Variants in DNAH8 observed in about 807,000 individuals in gnomAD.
DNAH8 encodes axonemal beta dynein heavy chain 8.
DNAH8 carries 382 observed loss-of-function variants against 562.1 expected under a neutral mutation model. That is an observed-to-expected ratio of 0.68 (90% CI 0.63 to 0.74). DNAH8 has a LOEUF of 0.74. Ranked by LOEUF, DNAH8 falls within the 30% of genes least tolerant of loss-of-function variation. The pLI is 0.00. For synonymous variants in DNAH8, 1,881 were observed against 1,919.4 expected (o/e 0.98, Z 0.52); for missense variants, 5,203 against 5,620.4 (o/e 0.93, Z 2.37).
intron 91 of DNAH8, among the ~76,000 whole-genome samples, chr6:39,015,321 G>A (rs950840555): frequency 6.6e-6 from 1 of 151,996 alleles, no homozygotes; most frequent in African/African-American, 2.4e-5. Context: ...ATCTTTAATT[G>A]TTAATATTTG....
intron 11 of DNAH8, chr6:38,764,469 A>T (rs1436173221): frequency 6.6e-6 from 1 of 152,330 alleles, no homozygotes; most frequent in Admixed American, 6.5e-5. Context: ...TCACAAAAAA[A>T]AGATGACAAA....
In DNAH8 at chr6:38,907,980, G is replaced by A. The variant is rs1161669006; in HGVS notation, c.9373G>A (p.Glu3125Lys). 2 of 1,607,472 alleles carry A rather than the reference G, an allele frequency of 1.2e-6. No individual in the cohort carries two copies. Among genetic ancestry groups the A allele is most frequent in the Admixed American group, 3.4e-5 (2 of 58,684 alleles). Residue 3125 changes from glutamate to lysine, a missense_variant, in exon 64 of 93, where the codon GAG becomes AAG. By Grantham distance (56) the Glu-to-Lys change is moderately conservative. Around this residue, in one of 6 missense-constraint regions of DNAH8, gnomAD observed 977 missense variants for 1,061.8 expected, o/e 0.92. Transcript: ENST00000327475. ...GEISNLFARD[E>K]MDEITQGLIS... Reference sequence around the variant, plus strand: ...GATCTCCAACTTGTTTGCACGAGATGAGATGGATGAAATCACCCAAGGTCT... The same window carrying A: ...GATCTCCAACTTGTTTGCACGAGATAAGATGGATGAAATCACCCAAGGTCT...
chr6:38,940,058 T>C (rs1017343319), intron 79 of DNAH8, among the ~76,000 whole-genome samples: 1 of 152,180 alleles, frequency 6.6e-6, no homozygotes, highest in African/African-American at 2.4e-5. Flanking sequence ...AGGAAGGATT[T>C]TCTTGATCTG....
In DNAH8 at chr6:38,937,871, T is replaced by G. The variant is rs1028996397; in HGVS notation, c.11564-103T>G. 7.9e-6 allele frequency: 11 copies of G among 1,385,090 alleles called. No individual in the cohort carries two copies. In the African/African-American group the frequency reaches 1.4e-4, roughly 18 times the overall value. 85.8% of individuals were successfully genotyped at this position (1,385,090 alleles called of 1,614,324 possible). A position where few individuals can be genotyped will look rare whatever the true frequency, so the allele number is the denominator to read the frequency against. ...AGTAGTCTTCCTGACTTTGGAGACA[T>G]CAAGTTGAAAGCTAACAGCGTTTTT... is the stretch of plus-strand genomic sequence containing the variant. On this transcript the variant is annotated intron_variant, in intron 77 of 92. Transcript: ENST00000327475.
intron 24 of DNAH8, among the ~76,000 whole-genome samples, chr6:38,808,736 T>C (rs1182852348): frequency 6.6e-6 from 1 of 152,178 alleles, no homozygotes; most frequent in Non-Finnish European, 1.5e-5. Context: ...GTGGCACATA[T>C]ATACCGTGGA....
At chr6:38,926,871 C>T (rs1452834919) in intron 74 of DNAH8, among the ~76,000 whole-genome samples, 1 of 152,174 alleles carries the variant, frequency 6.6e-6, no homozygotes, top group African/African-American at 2.4e-5. Context: ...CCACATCCAC[C>T]ACTACCTCCA....
At position 38,782,146 on chromosome 6, in the gene DNAH8, T is replaced by C. The variant is rs181605730; in HGVS notation, c.2259+773T>C. 6.5e-3 allele frequency among the ~76,000 whole-genome samples: 992 copies of C among 152,182 alleles called. 12 individuals are homozygous for C. Among genetic ancestry groups the C allele is most frequent in the African/African-American group, 0.022 (915 of 41,558 alleles). On this transcript the variant is annotated intron_variant, in intron 16 of 92. Transcript: ENST00000327475. ...GAATATCAAAAAAAAATTAAAACCC[T>C]GAGTCCCTACTCGGGGGACTCAGTT... is the stretch of plus-strand genomic sequence containing the variant.
At chr6:38,850,717 C>G (rs1775675445) in intron 38 of DNAH8, among the ~76,000 whole-genome samples, 1 of 152,192 alleles carries the variant, frequency 6.6e-6, no homozygotes, top group Non-Finnish European at 1.5e-5. Flanking sequence ...TGTTGGCTCC[C>G]TCTGAAGGCT....
chr6:38,834,977 G>T (rs534192365), intron 32 of DNAH8, among the ~76,000 whole-genome samples: 5 of 152,062 alleles, frequency 3.3e-5, no homozygotes, highest in African/African-American at 1.2e-4. Flanking sequence ...ATTGGCAAAT[G>T]TTTTCCCTCT....
At chr6:38,960,827 T>C (rs1035507679) in intron 82 of DNAH8, among the ~76,000 whole-genome samples, 15 of 151,890 alleles carry the variant, frequency 9.9e-5, no homozygotes, top group Non-Finnish European at 2.1e-4. Flanking sequence ...ATTTTAAATA[T>C]AAAATTTAAA....
intron 16 of DNAH8, 77 bp downstream of exon 16, chr6:38,781,450 T>G (rs1422477441): frequency 6.6e-7 from 1 of 1,519,652 alleles, no homozygotes; most frequent in Non-Finnish European, 8.9e-7. Context: ...CTATAATATT[T>G]GTGTGCATTA....
At chr6:38,715,939 TATATATATATATATATATATA>T (rs1227976116) in intron 1 of DNAH8, among the ~76,000 whole-genome samples, 1 of 25,558 alleles carries the variant, frequency 3.9e-5, no homozygotes, top group Non-Finnish European at 7.0e-5. Context: ...TATATATATA[TATATATATATATATATATATA>T]TTTTTTTTTT....
At chr6:38,926,728 G>GT (rs1057283865) in intron 74 of DNAH8, among the ~76,000 whole-genome samples, 30 of 152,174 alleles carry the variant, frequency 2.0e-4, no homozygotes, top group African/African-American at 6.5e-4. Context: ...GATATTCAGT[G>GT]TTTCCTAGAC....
chr6:38,759,741 G>A (rs1389169951), intron 10 of DNAH8, among the ~76,000 whole-genome samples: 1 of 152,046 alleles, frequency 6.6e-6, no homozygotes, highest in East Asian at 1.9e-4. Context: ...CCCCCCAGGT[G>A]TTGTCTGATC....
In DNAH8 at chr6:38,898,273, T is replaced by C. The variant is rs1450096135; in HGVS notation, c.8956T>C (p.Phe2986Leu). Reference protein sequence around the residue: ...KIYELMPSFDFLAEKLQFYQR... With the variant: ...KIYELMPSFDLLAEKLQFYQR... The stretch of plus-strand genomic sequence containing the variant: ...CCACCCATAGATGCCATCCTTTGAC[T>C]TTCTGGCTGAAAAACTCCAGTTTTA... Residue 2986 changes from phenylalanine to leucine, a missense_variant, in exon 61 of 93, where the codon TTT (phenylalanine) becomes CTT (leucine). Phe to Leu is a conservative substitution (Grantham distance 22). This residue lies in a region of DNAH8 where 977 missense variants were observed against 1,061.8 expected (regional missense o/e 0.92). Coordinates refer to ENST00000327475, the MANE Select transcript of DNAH8 (RefSeq NM_001206927.2). The C allele has an allele frequency of 6.3e-7, 1 of 1,593,110 alleles. No individual in the cohort carries two copies. The highest frequency in any genetic ancestry group is 8.5e-7 in the Non-Finnish European group (1 of 1,173,578).
chr6:38,929,676 G>GAA lies in DNAH8; in HGVS notation c.11274+10_11274+11insAA. Reference sequence around the variant, plus strand: ...TGGCACCACTTTCAAGGTGAGCTTTGTAAAAAAAAAAAAAAAGAAAGAAAG... The same window carrying GAA: ...TGGCACCACTTTCAAGGTGAGCTTTGAATAAAAAAAAAAAAAAAGAAAGAAAG... On this transcript the variant is annotated intron_variant, in intron 75 of 92. Transcript: ENST00000327475. 2 of 990,478 alleles carry GAA rather than the reference G, an allele frequency of 2.0e-6. No homozygotes were observed. Among genetic ancestry groups the GAA allele is most frequent in the Non-Finnish European group, 2.6e-6 (2 of 761,408 alleles). The allele number at this position is 990,478 out of a possible 1,614,324, so 61.4% of individuals were successfully genotyped here.
At chr6:38,815,411 T>G (rs1772158852) in intron 25 of DNAH8, 57 bp from the exon 26 acceptor site, 1 of 1,409,360 alleles carries the variant, frequency 7.1e-7, no homozygotes, top group African/African-American at 1.4e-5. Flanking sequence ...GTGGTGAAAA[T>G]TGAGGGATGG....
intron 24 of DNAH8, among the ~76,000 whole-genome samples, chr6:38,812,852 T>C (rs897818747): frequency 6.6e-6 from 1 of 152,188 alleles, no homozygotes; most frequent in African/African-American, 2.4e-5. Flanking sequence ...GGAGTGACTC[T>C]CTGGAAATTA....
At chr6:38,946,792 A>G (rs988874028) in intron 80 of DNAH8, among the ~76,000 whole-genome samples, 1 of 151,394 alleles carries the variant, frequency 6.6e-6, no homozygotes, top group Admixed American at 6.6e-5. Flanking sequence ...CCTGGGTGAC[A>G]GTGTGAGACT....
Sources: gnomAD v4.1 joint callset for allele counts (sites outside exome capture counted in the v4.1 genomes callset) on GRCh38, gnomAD v4.1.1 for gene constraint, gnomAD v4.1.1 regional missense constraint, MANE v1.5 for transcripts, NCBI Gene and HGNC (gene_info 2026-07-23, HGNC 2026-07-21) for gene names.